HACE1: variants seen among roughly 807,000 people sequenced by gnomAD.
The protein encoded by HACE1 is E3 ubiquitin-protein ligase HACE1.
A neutral mutation model predicts 118.4 loss-of-function variants in HACE1; 73 were observed. The observed-to-expected ratio is 0.62, with a 90% CI of 0.51 to 0.75. The LOEUF is 0.75. Among genes scored for constraint, HACE1 ranks in the 30% least tolerant of loss-of-function variants. The pLI, the probability that HACE1 is intolerant of heterozygous loss-of-function variation, is 0.00. For synonymous variants in HACE1, 368 were observed against 374.8 expected (o/e 0.98, Z 0.21); for missense variants, 749 against 1,102.2 (o/e 0.68, Z 4.54).
intron 7 of HACE1, among the ~76,000 whole-genome samples, chr6:104,800,415 G>A (rs1770192474): frequency 6.6e-6 from 1 of 152,146 alleles, no homozygotes; most frequent in Admixed American, 6.6e-5. Context: ...GCCTCCTCAA[G>A]TGGGTCCCTG....
At chr6:104,751,316 C>T (rs891726516) in intron 19 of HACE1, among the ~76,000 whole-genome samples, 1 of 152,316 alleles carries the variant, frequency 6.6e-6, no homozygotes, top group South Asian at 2.1e-4. Flanking sequence ...TGAATGCATA[C>T]CATCATCAAA....
chr6:104,767,360 CTTAAA>C (rs1780124897), intron 19 of HACE1, among the ~76,000 whole-genome samples: 2 of 152,112 alleles, frequency 1.3e-5, no homozygotes, highest in African/African-American at 4.8e-5. Flanking sequence ...TCCTCAAAAG[CTTAAA>C]AGCTATTCCA....
intron 11 of HACE1, among the ~76,000 whole-genome samples, chr6:104,788,200 A>T (rs1409747700): frequency 6.6e-6 from 1 of 152,156 alleles, no homozygotes; most frequent in African/African-American, 2.4e-5. Flanking sequence ...AATAAAATAC[A>T]TTAAATAAGA....
At chr6:104,809,453 T>C (rs1771364459) in intron 7 of HACE1, among the ~76,000 whole-genome samples, 1 of 152,066 alleles carries the variant, frequency 6.6e-6, no homozygotes, top group Non-Finnish European at 1.5e-5. Context: ...AAATACCATG[T>C]AGAAAAGCCT....
intron 7 of HACE1, among the ~76,000 whole-genome samples, chr6:104,798,618 C>T (rs1159218821): frequency 6.6e-6 from 1 of 152,168 alleles, no homozygotes; most frequent in African/African-American, 2.4e-5. Context: ...TTACCGGCAT[C>T]AAGCAAGAAG....
intron 19 of HACE1, among the ~76,000 whole-genome samples, chr6:104,755,899 A>G (rs9499950): frequency 0.034 from 5,137 of 152,296 alleles, 273 homozygotes; most frequent in African/African-American, 0.12. Context: ...ACAAACTCCA[A>G]TGCTGGCAGA....
intron 19 of HACE1, among the ~76,000 whole-genome samples, chr6:104,763,692 C>T (rs1469664029): frequency 6.6e-6 from 1 of 152,086 alleles, no homozygotes; most frequent in Non-Finnish European, 1.5e-5. Context: ...TCTGTGCCAG[C>T]TGTTAAACAG....
At chr6:104,811,443 G>C (rs781582710) in intron 6 of HACE1, 50 bp from the exon 7 acceptor site, 2 of 873,712 alleles carry the variant, frequency 2.3e-6, no homozygotes, top group Non-Finnish European at 3.9e-6. Flanking sequence ...TCAAACAAAA[G>C]ATACAATTAC....
intron 6 of HACE1, among the ~76,000 whole-genome samples, chr6:104,827,228 T>C (rs912306901): frequency 2.6e-5 from 4 of 152,140 alleles, no homozygotes; most frequent in Admixed American, 1.3e-4. Flanking sequence ...TAAAAAGGAA[T>C]AGATATTCAA....
At chr6:104,822,821 C>G (rs1043761736) in intron 6 of HACE1, among the ~76,000 whole-genome samples, 1 of 152,080 alleles carries the variant, frequency 6.6e-6, no homozygotes, top group African/African-American at 2.4e-5. Context: ...CGCGCCACTG[C>G]ACTCCAGCCT....
In HACE1 at chr6:104,811,411, AT is replaced by A. The variant is rs1771610987; in HGVS notation, c.535-19del. ...TGCACTGTCTGAGGGGGAAAAAATA[AT>A]TAAAAGTAAAGCCAGAGGAATCAAA... On this transcript the variant is annotated intron_variant, in intron 6 of 23. Coordinates refer to ENST00000262903, the MANE Select transcript of HACE1 (RefSeq NM_020771.4). 8.3e-7 allele frequency: 1 copy of A among 1,203,262 alleles called. No homozygotes were observed. Among genetic ancestry groups the A allele is most frequent in the Non-Finnish European group, 1.2e-6 (1 of 806,552 alleles). 74.5% of individuals were successfully genotyped at this position (1,203,262 alleles called of 1,614,324 possible). A position where few individuals can be genotyped will look rare whatever the true frequency, so the allele number is the denominator to read the frequency against.
At chr6:104,750,943 G>T (rs6940522) in intron 19 of HACE1, among the ~76,000 whole-genome samples, 3 of 151,962 alleles carry the variant, frequency 2.0e-5, no homozygotes, top group Non-Finnish European at 1.5e-5. Flanking sequence ...ACTCAGATCC[G>T]GCAGCTCTCT....
intron 11 of HACE1, among the ~76,000 whole-genome samples, chr6:104,790,224 A>G (rs145186009): frequency 6.6e-6 from 1 of 152,272 alleles, no homozygotes; most frequent in Non-Finnish European, 1.5e-5. Context: ...TACCATATCT[A>G]TTCTAAGTAT....
chr6:104,756,571 T>C (rs1222460526), intron 19 of HACE1, among the ~76,000 whole-genome samples: 1 of 150,872 alleles, frequency 6.6e-6, no homozygotes, highest in Non-Finnish European at 1.5e-5. Context: ...GATCGAAGAG[T>C]CGTTTCCAAG....
At chr6:104,852,021 T>C (rs991763755) in intron 2 of HACE1, among the ~76,000 whole-genome samples, 1 of 152,230 alleles carries the variant, frequency 6.6e-6, no homozygotes, top group Non-Finnish European at 1.5e-5. Context: ...CATGACAATG[T>C]ATTTTTCTAT....
chr6:104,856,583 C>T (rs1318025216), intron 1 of HACE1, among the ~76,000 whole-genome samples: 2 of 152,122 alleles, frequency 1.3e-5, no homozygotes, highest in Middle Eastern at 6.8e-3. Context: ...TACAGGCACC[C>T]GCCACCACAT....
chr6:104,817,462 T>C (rs140188755), intron 6 of HACE1, among the ~76,000 whole-genome samples: 6 of 152,324 alleles, frequency 3.9e-5, no homozygotes, highest in Non-Finnish European at 7.3e-5. Context: ...TCCACCATGA[T>C]TGTAAGTTTC....
At chr6:104,769,067 C>G (rs1780341928) in intron 19 of HACE1, among the ~76,000 whole-genome samples, 1 of 151,986 alleles carries the variant, frequency 6.6e-6, no homozygotes, top group Non-Finnish European at 1.5e-5. Flanking sequence ...TAGGATCTTG[C>G]TCTGTCACTC....
Position 104,784,403 on chromosome 6 carries a change from C to T in HACE1, c.1478+14G>A, listed in dbSNP as rs1243516706. 1 of 1,579,652 alleles carries T rather than the reference C, an allele frequency of 6.3e-7. No individual in the cohort carries two copies. The highest frequency in any genetic ancestry group is 1.7e-4 in the Middle Eastern group (1 of 5,998). ...AAAGGCTAGCAGGGTACTCCACAAA[C>T]CCAGAAAGCTTACCTATTAACAAAG... On this transcript the variant is annotated intron_variant, in intron 13 of 23. Coordinates refer to ENST00000262903, the MANE Select transcript of HACE1 (RefSeq NM_020771.4).
Sources: gnomAD v4.1 joint callset for allele counts (sites outside exome capture counted in the v4.1 genomes callset) on GRCh38, gnomAD v4.1.1 for gene constraint, MANE v1.5 for transcripts, NCBI Gene and HGNC (gene_info 2026-07-23, HGNC 2026-07-21) for gene names.